Variants in ZNF516 observed in about 807,000 individuals in gnomAD.
ZNF516 encodes zinc finger protein 516.
A neutral mutation model predicts 79.7 loss-of-function variants in ZNF516; 19 were observed. That is an observed-to-expected ratio of 0.24 (90% CI 0.17 to 0.35). The LOEUF (loss-of-function observed/expected upper bound fraction) is 0.35, where lower values mean the gene tolerates loss of function less well. Ranked by LOEUF, ZNF516 falls within the 10% of genes least tolerant of loss-of-function variation. The pLI is 1.00. For missense variants in ZNF516, 1,678 were observed against 1,679.5 expected (o/e 1.00, Z 0.02); for synonymous variants, 877 against 739.5 (o/e 1.19, Z -3.02).
intron 1 of ZNF516, among the ~76,000 whole-genome samples, chr18:76,474,111 A>C (rs1914040629): frequency 6.6e-6 from 1 of 152,222 alleles, no homozygotes; most frequent in Non-Finnish European, 1.5e-5. Context: ...ATGCATTTAG[A>C]AACAGCTACA....
intron 2 of ZNF516, among the ~76,000 whole-genome samples, chr18:76,455,045 T>C (rs1401065179): frequency 1.3e-5 from 2 of 152,130 alleles, no homozygotes; most frequent in Non-Finnish European, 2.9e-5. Context: ...AGGACAGTTA[T>C]CTACCCTTTA....
At chr18:76,439,899 G>T (rs1422348452) in intron 3 of ZNF516, among the ~76,000 whole-genome samples, 1 of 151,584 alleles carries the variant, frequency 6.6e-6, no homozygotes, top group East Asian at 1.9e-4. Flanking sequence ...AAACTTAAAA[G>T]AAGTCAACCA....
rs1422685542 is a variant in ZNF516 at position 76,459,301 on chromosome 18, G to A, written c.-158+3727C>T. ...CACACTGGACCCAGTGCCAGCTCGG[G>A]AAATCCTGGGCCGGTGACAGCCCTG... On this transcript the variant is annotated intron_variant, in intron 2 of 6. Transcript: ENST00000443185. This position sits in a 1 kb window ranked among gnomAD's most constrained non-coding sequence, Gnocchi z 5.0. Among the ~76,000 whole-genome samples, 2 of 152,160 alleles carry A rather than the reference G, an allele frequency of 1.3e-5. No homozygotes were observed.
Position 76,362,021 on chromosome 18 carries a change from TCCA to T in ZNF516, c.*474_*476del, listed in dbSNP as rs2074545744. The T allele has an allele frequency of 6.5e-6, 1 of 153,716 alleles. No homozygotes were observed. Among genetic ancestry groups the T allele is most frequent in the African/African-American group, 2.4e-5 (1 of 41,450 alleles). The allele number at this position is 153,716 out of a possible 1,614,324, so 9.5% of individuals were successfully genotyped here. A position where few individuals can be genotyped will look rare whatever the true frequency, so the allele number is the denominator to read the frequency against. ...GTATTAATACTCGATCAACCTCAAA[TCCA>T]CCACGTCTTGTTCTGACATCATCCC... On this transcript the variant is annotated 3_prime_UTR_variant, in exon 7 of 7. Coordinates refer to ENST00000443185, the MANE Select transcript of ZNF516 (RefSeq NM_014643.4).
intron 1 of ZNF516, among the ~76,000 whole-genome samples, chr18:76,473,355 C>CAAAAA (rs35092154): frequency 1.6e-4 from 14 of 87,666 alleles, no homozygotes; most frequent in South Asian, 3.5e-4. Flanking sequence ...TTGCTCTCTG[C>CAAAAA]AAAAAAAAAA....
chr18:76,484,067 T>C (rs689722), intron 1 of ZNF516, among the ~76,000 whole-genome samples: 27,826 of 152,226 alleles, frequency 0.18, 2,764 homozygotes, highest in South Asian at 0.38. Context: ...ATTTGCCAGG[T>C]CCACACTTGG....
chr18:76,465,679 C>T (rs1173348206), intron 1 of ZNF516, among the ~76,000 whole-genome samples: 1 of 152,190 alleles, frequency 6.6e-6, no homozygotes, highest in African/African-American at 2.4e-5. Flanking sequence ...ATCTTCCTCC[C>T]GGGAACGATA....
chr18:76,490,145 A>T, intron 1 of ZNF516: 1 of 985,266 alleles, frequency 1.0e-6, no homozygotes, highest in African/African-American at 1.7e-5. Context: ...CTTACACAGA[A>T]TTCAGTTCAT....
intron 1 of ZNF516, among the ~76,000 whole-genome samples, chr18:76,468,693 T>G (rs1054311223): frequency 6.6e-6 from 1 of 152,144 alleles, no homozygotes; most frequent in Non-Finnish European, 1.5e-5. Flanking sequence ...GTGTTGTGAT[T>G]ACAGGTATGA....
intron 6 of ZNF516, among the ~76,000 whole-genome samples, chr18:76,368,680 G>A (rs377132191): frequency 2.6e-5 from 4 of 152,286 alleles, no homozygotes; most frequent in African/African-American, 9.6e-5. Context: ...GAGAGACAAA[G>A]AGAACAATAT....
intron 1 of ZNF516, among the ~76,000 whole-genome samples, chr18:76,468,672 G>A (rs903275847): frequency 1.3e-5 from 2 of 151,960 alleles, no homozygotes. Flanking sequence ...TACCCACCTC[G>A]GCCTCCCAAA....
At chr18:76,435,504 G>A (rs112255478) in intron 3 of ZNF516, among the ~76,000 whole-genome samples, 2,428 of 152,298 alleles carry the variant, frequency 0.016, 28 homozygotes, top group Middle Eastern at 0.041. Flanking sequence ...AATCACCGTC[G>A]TGTTCATGTG....
At chr18:76,403,743 C>T (rs2075262434) in intron 3 of ZNF516, among the ~76,000 whole-genome samples, 1 of 152,164 alleles carries the variant, frequency 6.6e-6, no homozygotes, top group Non-Finnish European at 1.5e-5. Context: ...ACACACATAC[C>T]ACGAGCGAAA....
intron 1 of ZNF516, among the ~76,000 whole-genome samples, chr18:76,482,604 G>A (rs1405626273): frequency 2.0e-5 from 3 of 152,208 alleles, no homozygotes; most frequent in Non-Finnish European, 4.4e-5. Context: ...TAGACTGAAG[G>A]GTATTAAACG....
At chr18:76,438,761 C>A (rs1485946627) in intron 3 of ZNF516, among the ~76,000 whole-genome samples, 1 of 152,186 alleles carries the variant, frequency 6.6e-6, no homozygotes, top group Admixed American at 6.5e-5. Flanking sequence ...GCATTCAAAT[C>A]AATTCCCAGA....
chr18:76,441,284 C>G lies in ZNF516; in HGVS notation c.1771G>C (p.Glu591Gln), dbSNP rs547477622. 1.2e-6 allele frequency: 2 copies of G among 1,610,882 alleles called. No individual in the cohort carries two copies. The highest frequency in any genetic ancestry group is 1.7e-6 in the Non-Finnish European group (2 of 1,179,344). The change falls in exon 3 of 7, where the codon GAA becomes CAA. Residue 591 changes from glutamate to glutamine, a missense_variant. This residue lies in a region of ZNF516 where 1,294 missense variants were observed against 1,248.3 expected (regional missense o/e 1.04). Coordinates refer to ENST00000443185, the MANE Select transcript of ZNF516 (RefSeq NM_014643.4). ...PGSGLADEAA[E>Q]DSGEEGAPEP... ...GGGGCGCCCTCCTCACCACTGTCTT[C>G]GGCAGCCTCGTCGGCCAGGCCAGAG...
rs1006760562 is a variant in ZNF516 at position 76,359,349 on chromosome 18, G to A, written c.*3149C>T. 7 of 152,184 alleles carry A rather than the reference G, an allele frequency of 4.6e-5. No homozygotes were observed. The highest frequency in any genetic ancestry group is 1.7e-4 in the African/African-American group (7 of 41,440). 9.4% of individuals were successfully genotyped at this position (152,184 alleles called of 1,614,324 possible). ...CTGAGAATGAAATCTGTCCGTCTAA[G>A]ATGACAATAAGACCTTCCAGGGAAC... On this transcript the variant is annotated 3_prime_UTR_variant, in exon 7 of 7. Coordinates refer to ENST00000443185, the MANE Select transcript of ZNF516 (RefSeq NM_014643.4).
At chr18:76,402,767 C>T (rs1363242387) in intron 3 of ZNF516, among the ~76,000 whole-genome samples, 1 of 152,262 alleles carries the variant, frequency 6.6e-6, no homozygotes, top group Non-Finnish European at 1.5e-5. Flanking sequence ...TCCATCGGGC[C>T]GCTGCGCTTC....
intron 3 of ZNF516, among the ~76,000 whole-genome samples, chr18:76,431,904 G>C (rs756603129): frequency 3.9e-5 from 6 of 152,188 alleles, no homozygotes; most frequent in African/African-American, 1.4e-4. Flanking sequence ...GGACTAACAC[G>C]CAGTGCACCA....
Sources: gnomAD v4.1 joint callset for allele counts (sites outside exome capture counted in the v4.1 genomes callset) on GRCh38, gnomAD v4.1.1 for gene constraint, gnomAD v4.1.1 regional missense constraint, Gnocchi (gnomAD v3.1) non-coding constraint, MANE v1.5 for transcripts, NCBI Gene and HGNC (gene_info 2026-07-23, HGNC 2026-07-21) for gene names.